Variants in FSTL4 observed in about 807,000 individuals in gnomAD.
FSTL4 encodes follistatin-related protein 4.
A neutral mutation model predicts 78.2 loss-of-function variants in FSTL4; 28 were observed. The ratio of observed to expected loss-of-function variants is 0.36; its 90% CI spans 0.27 to 0.49. The LOEUF is 0.49. FSTL4 is among the 20% of genes least tolerant of loss of function. The pLI is 0.98. For missense variants in FSTL4, 922 were observed against 1,084.9 expected (o/e 0.85, Z 2.11); for synonymous variants, 422 against 440.5 (o/e 0.96, Z 0.53).
intron 6 of FSTL4, among the ~76,000 whole-genome samples, chr5:133,294,221 T>C (rs924047392): frequency 6.6e-6 from 1 of 152,202 alleles, no homozygotes; most frequent in African/African-American, 2.4e-5. Context: ...AAGAGTGGAC[T>C]CCCTGGGGCC....
the FSTL4 span, among the ~76,000 whole-genome samples, chr5:133,716,645 A>G: frequency 6.6e-6 from 1 of 152,198 alleles, no homozygotes; most frequent in African/African-American, 2.4e-5. Context: ...TGACTAATAC[A>G]TTGGAAAAAC....
At chr5:133,239,841 T>C (rs1209936139) in intron 7 of FSTL4, among the ~76,000 whole-genome samples, 2 of 152,182 alleles carry the variant, frequency 1.3e-5, no homozygotes, top group Non-Finnish European at 2.9e-5. Context: ...GCTCAGGGAT[T>C]ATAAACGCAC....
chr5:133,356,032 CCAG>C (rs1754936983), intron 4 of FSTL4, among the ~76,000 whole-genome samples: 1 of 152,172 alleles, frequency 6.6e-6, no homozygotes, highest in Non-Finnish European at 1.5e-5. Flanking sequence ...GGCCTGGGTC[CCAG>C]GGGGCCTTCT....
chr5:133,393,748 ACT>A (rs1158658488), intron 4 of FSTL4, among the ~76,000 whole-genome samples: 1 of 152,106 alleles, frequency 6.6e-6, no homozygotes, highest in Non-Finnish European at 1.5e-5. Flanking sequence ...TCAGTTTCCT[ACT>A]CTTTCCTTAG....
At chr5:133,790,425 T>A in the FSTL4 span, among the ~76,000 whole-genome samples, 1 of 152,156 alleles carries the variant, frequency 6.6e-6, no homozygotes. Context: ...CCTAGCAGAG[T>A]GCTTGGCATT....
the FSTL4 span, among the ~76,000 whole-genome samples, chr5:133,721,135 G>T: frequency 4.7e-4 from 71 of 152,110 alleles, no homozygotes; most frequent in African/African-American, 1.5e-3. Flanking sequence ...TATTGTGTGT[G>T]AAACAATTGC....
At chr5:133,307,993 G>A (rs535669494) in intron 6 of FSTL4, among the ~76,000 whole-genome samples, 1 of 152,150 alleles carries the variant, frequency 6.6e-6, no homozygotes, top group African/African-American at 2.4e-5. Flanking sequence ...TGTTAGCCAG[G>A]ATGGTCTGGA....
intron 3 of FSTL4, among the ~76,000 whole-genome samples, chr5:133,509,591 C>T (rs1580754860): frequency 1.3e-5 from 2 of 152,318 alleles, no homozygotes; most frequent in East Asian, 3.9e-4. Flanking sequence ...ATGGTTATTG[C>T]TCTCAGCCCA....
At chr5:133,464,752 G>A (rs1193058949) in intron 3 of FSTL4, among the ~76,000 whole-genome samples, 7 of 152,230 alleles carry the variant, frequency 4.6e-5, no homozygotes, top group Non-Finnish European at 8.8e-5. Context: ...CCAGCTGCAG[G>A]ATTTGATCGG....
At chr5:133,626,592 T>C in the FSTL4 span, among the ~76,000 whole-genome samples, 1 of 151,606 alleles carries the variant, frequency 6.6e-6, no homozygotes, top group African/African-American at 2.4e-5. Context: ...TGTTCTCATT[T>C]TCGTTCAGTT....
At chr5:133,373,532 C>T (rs78259301) in intron 4 of FSTL4, among the ~76,000 whole-genome samples, 1,650 of 152,296 alleles carry the variant, frequency 0.011, 12 homozygotes, top group Non-Finnish European at 0.016. Context: ...TGTGAACAGG[C>T]GGCAGCACCA....
intron 3 of FSTL4, among the ~76,000 whole-genome samples, chr5:133,513,310 A>G (rs546163337): frequency 6.6e-6 from 1 of 152,368 alleles, no homozygotes; most frequent in Non-Finnish European, 1.5e-5. Flanking sequence ...ACAAATATGC[A>G]TATTATTAAT....
chr5:133,528,727 C>A (rs1285716449), intron 3 of FSTL4, among the ~76,000 whole-genome samples: 2 of 152,226 alleles, frequency 1.3e-5, no homozygotes, highest in Admixed American at 6.5e-5. Flanking sequence ...CCACACAGCT[C>A]CTTCCATCCC....
chr5:133,200,178 G>C (rs1027935063), intron 15 of FSTL4, among the ~76,000 whole-genome samples: 2 of 152,226 alleles, frequency 1.3e-5, no homozygotes, highest in African/African-American at 4.8e-5. Context: ...TGGAGGAAAA[G>C]GGCAAGAGAT....
At chr5:133,713,001 G>A in the FSTL4 span, among the ~76,000 whole-genome samples, 1 of 152,092 alleles carries the variant, frequency 6.6e-6, no homozygotes, top group Non-Finnish European at 1.5e-5. Context: ...TCCTACTCTT[G>A]ACAGCATAAC....
At chr5:133,781,304 A>G in the FSTL4 span, among the ~76,000 whole-genome samples, 7 of 151,900 alleles carry the variant, frequency 4.6e-5, no homozygotes, top group African/African-American at 1.7e-4. Flanking sequence ...GCCCCTGCCT[A>G]GAGGTAGAAC....
At chr5:133,349,295 CTGTG>C (rs1554107119) in intron 4 of FSTL4, among the ~76,000 whole-genome samples, 2,504 of 139,742 alleles carry the variant, frequency 0.018, 35 homozygotes, top group African/African-American at 0.03. Flanking sequence ...GCCTCTCTCT[CTGTG>C]TGTGTGTGTG....
chr5:133,792,585 C>A, the FSTL4 span, among the ~76,000 whole-genome samples: 2 of 152,190 alleles, frequency 1.3e-5, no homozygotes, highest in Non-Finnish European at 2.9e-5. Flanking sequence ...GTCACTCTGT[C>A]TGACTGTCAC....
the FSTL4 span, among the ~76,000 whole-genome samples, chr5:133,794,530 C>G: frequency 6.6e-6 from 1 of 152,330 alleles, no homozygotes; most frequent in South Asian, 2.1e-4. Flanking sequence ...CCCTTTCTTC[C>G]AAAATGGCCA....
Sources: gnomAD v4.1 joint callset for allele counts (sites outside exome capture counted in the v4.1 genomes callset) on GRCh38, gnomAD v4.1.1 for gene constraint, MANE v1.5 for transcripts, NCBI Gene and HGNC (gene_info 2026-07-23, HGNC 2026-07-21) for gene names.